Variants in SMARCA4 observed in about 807,000 individuals in gnomAD.
SMARCA4 encodes SWI/SNF-related matrix-associated actin-dependent regulator of chromatin subfamily A member 4.
A neutral mutation model predicts 193.9 loss-of-function variants in SMARCA4; 31 were observed. The observed-to-expected ratio is 0.16, with a 90% confidence interval of 0.12 to 0.22. The LOEUF is 0.22. Ranked by LOEUF, SMARCA4 falls within the 10% of genes least tolerant of loss-of-function variation. SMARCA4 has a pLI of 1.00. For synonymous variants in SMARCA4, 942 were observed against 933.1 expected (o/e 1.01, Z -0.17); for missense variants, 1,148 against 2,296.0 (o/e 0.50, Z 10.22).
At chr19:11,011,617 T>G (rs1432016855) in intron 15 of SMARCA4, 1 of 152,204 alleles carries the variant, frequency 6.6e-6, no homozygotes, top group African/African-American at 2.4e-5. Context: ...CTTAAGAGGC[T>G]GAGATGGGAG....
At chr19:10,977,147 C>T (rs2085201719) in intron 1 of SMARCA4, among the ~76,000 whole-genome samples, 2 of 152,154 alleles carry the variant, frequency 1.3e-5, no homozygotes, top group African/African-American at 2.4e-5. Context: ...CGTGTCATGG[C>T]TGACAGCAGG....
intron 13 of SMARCA4, among the ~76,000 whole-genome samples, chr19:11,006,548 C>T (rs1274711141): frequency 1.3e-5 from 2 of 151,844 alleles, no homozygotes; most frequent in Admixed American, 1.3e-4. Flanking sequence ...GTCAGGAGTT[C>T]GAGACCAGCC....
intron 11 of SMARCA4, among the ~76,000 whole-genome samples, chr19:10,999,698 T>G (rs2087442976): frequency 6.6e-6 from 1 of 152,162 alleles, no homozygotes; most frequent in Non-Finnish European, 1.5e-5. Flanking sequence ...ACACCTCCAA[T>G]TCTAATCCAA....
At chr19:11,025,531 G>T in intron 22 of SMARCA4, 23 bp downstream of exon 22, 1 of 1,585,800 alleles carries the variant, frequency 6.3e-7, no homozygotes, top group South Asian at 1.1e-5. Context: ...CGGCTGGGAC[G>T]GCTCAGGCCC....
intron 8 of SMARCA4, 51 bp from the exon 9 acceptor site, chr19:10,994,777 T>G (rs1279781314): frequency 9.8e-6 from 15 of 1,526,720 alleles, no homozygotes; most frequent in Admixed American, 1.7e-5. Context: ...CGGGGAGATG[T>G]GTCCACCATG....
chr19:11,013,172 C>T (rs2146284363), intron 16 of SMARCA4, 60 bp downstream of exon 16: 1 of 1,581,300 alleles, frequency 6.3e-7, no homozygotes, highest in Non-Finnish European at 8.7e-7. Flanking sequence ...TGTTTGTTTC[C>T]TAAGTTTGCC....
Position 11,059,733 on chromosome 19 carries a change from C to A in SMARCA4, c.4636-20C>A, listed in dbSNP as rs750380248. On this transcript the variant is annotated intron_variant, in intron 32 of 34. Transcript: ENST00000344626. Reference sequence around the variant, plus strand: ...CTCCAGTCGGGCCCATCCACTCAAGCCCCTGGTGTCTCTGCCCAGATCTAT... The same window carrying A: ...CTCCAGTCGGGCCCATCCACTCAAGACCCTGGTGTCTCTGCCCAGATCTAT... The A allele has an allele frequency of 6.4e-7, 1 of 1,555,306 alleles. No homozygotes were observed. Among genetic ancestry groups the A allele is most frequent in the Non-Finnish European group, 8.7e-7 (1 of 1,149,348 alleles).
chr19:11,005,163 T>C (rs1264905007), intron 13 of SMARCA4, among the ~76,000 whole-genome samples: 41 of 152,220 alleles, frequency 2.7e-4, no homozygotes, highest in Admixed American at 2.5e-3. Flanking sequence ...TACCTCTTCA[T>C]GTTTAGTTGA....
At position 11,019,398 on chromosome 19, in the gene SMARCA4, C is replaced by T. The variant is rs1431431099; in HGVS notation, c.2506-193C>T. ...GCTGGCCTGCACTGCTTCCTCTTCCCCCTGCAGCGCGTGTTCTGCGTGGTG... is the reference window on the plus strand; with the variant it reads ...GCTGGCCTGCACTGCTTCCTCTTCCTCCTGCAGCGCGTGTTCTGCGTGGTG... On this transcript the variant is annotated intron_variant, in intron 17 of 34. Coordinates refer to ENST00000344626, the MANE Select transcript of SMARCA4 (RefSeq NM_003072.5). The surrounding 1 kb of genome is among the most constrained non-coding windows in gnomAD (Gnocchi z 6.1). 3.2e-6 allele frequency: 2 copies of T among 623,350 alleles called. No homozygotes were observed. The highest frequency in any genetic ancestry group is 5.8e-6 in the Non-Finnish European group (2 of 346,362). 38.6% of individuals were successfully genotyped at this position (623,350 alleles called of 1,614,324 possible).
chr19:11,001,517 A>T (rs1373425159), intron 11 of SMARCA4, among the ~76,000 whole-genome samples: 2 of 152,214 alleles, frequency 1.3e-5, no homozygotes, highest in Non-Finnish European at 2.9e-5. Flanking sequence ...AGAGGAGTTC[A>T]ATCAGAATTT....
At chr19:11,010,963 G>A (rs974281274) in intron 15 of SMARCA4, 21 of 267,786 alleles carry the variant, frequency 7.8e-5, no homozygotes, top group South Asian at 2.5e-4. Flanking sequence ...AACGGCGAGC[G>A]TCAGGAGCTT....
intron 30 of SMARCA4, among the ~76,000 whole-genome samples, chr19:11,049,934 C>G (rs2076164470): frequency 6.6e-6 from 1 of 152,166 alleles, no homozygotes; most frequent in South Asian, 2.1e-4. Context: ...AAAACCCCGT[C>G]TCTATTAAAA....
intron 30 of SMARCA4, among the ~76,000 whole-genome samples, chr19:11,055,592 CCCTGGGGTCTCACTT>C (rs1210970057): frequency 1.3e-5 from 2 of 152,144 alleles, no homozygotes; most frequent in Admixed American, 1.3e-4. Flanking sequence ...GCTGTCACAG[CCCTGGGGTCTCACTT>C]CCTGGGCTCT....
At position 10,996,476 on chromosome 19, in the gene SMARCA4, GTCTC is replaced by G. The variant is rs748956133; in HGVS notation, c.1762-12_1762-9del. The G allele has an allele frequency of 2.2e-5, 35 of 1,614,004 alleles. No homozygotes were observed. The highest frequency in any genetic ancestry group is 1.6e-4 in the Middle Eastern group (1 of 6,084). On this transcript the variant is annotated splice_polypyrimidine_tract_variant and intron_variant, in intron 10 of 34. Transcript: ENST00000344626. ...GCCTTGTGGGTCAGGGCCTGACCGT[GTCTC>G]TCTCTATTTCCAGAAGGCAGAAAAT...
intron 13 of SMARCA4, among the ~76,000 whole-genome samples, chr19:11,006,476 C>T (rs914227065): frequency 1.3e-5 from 2 of 152,126 alleles, no homozygotes; most frequent in Non-Finnish European, 2.9e-5. Flanking sequence ...TAAAGCCAGG[C>T]GCGGTGTCTC....
chr19:11,061,120 C>T (rs1397874958), intron 34 of SMARCA4, among the ~76,000 whole-genome samples: 3 of 146,654 alleles, frequency 2.0e-5, no homozygotes, highest in Admixed American at 7.0e-5. Flanking sequence ...CCTGGGAGGT[C>T]GAGGCTGCAG....
At chr19:11,036,508 C>T (rs1031547815) in intron 29 of SMARCA4, among the ~76,000 whole-genome samples, 1 of 152,198 alleles carries the variant, frequency 6.6e-6, no homozygotes, top group African/African-American at 2.4e-5. Context: ...ATCCACCCGC[C>T]TCGGCCTGCA....
rs567522395 is a variant in SMARCA4 at position 11,059,301 on chromosome 19, C to T, written c.4635+412C>T. On this transcript the variant is annotated intron_variant, in intron 32 of 34. Coordinates refer to ENST00000344626, the MANE Select transcript of SMARCA4 (RefSeq NM_003072.5). ...TTCAAAGGAATCCTGTGGGTTTGTTCTTTCCTGTGATAGAATTGACACATA... is the reference window on the plus strand; with the variant it reads ...TTCAAAGGAATCCTGTGGGTTTGTTTTTTCCTGTGATAGAATTGACACATA... The T allele has an allele frequency of 4.6e-4, 141 of 304,842 alleles. 2 individuals carry two copies. The highest frequency in any genetic ancestry group is 4.0e-3 in the South Asian group (121 of 30,372). 18.9% of individuals were successfully genotyped at this position (304,842 alleles called of 1,614,324 possible).
chr19:10,975,017 C>CTTTTTTT (rs760199710), intron 1 of SMARCA4, among the ~76,000 whole-genome samples: 7 of 101,046 alleles, frequency 6.9e-5, no homozygotes, highest in African/African-American at 1.6e-4. Context: ...TATAGTTATT[C>CTTTTTTT]TTTTTTTTTT....
Sources: allele counts gnomAD v4.1 joint callset (sites outside exome capture counted in the v4.1 genomes callset), GRCh38; gene constraint gnomAD v4.1.1; non-coding constraint Gnocchi (gnomAD v3.1); transcripts MANE v1.5; gene names NCBI Gene and HGNC (gene_info 2026-07-23, HGNC 2026-07-21).